CAMK2G: variants seen among roughly 807,000 people sequenced by gnomAD.
CAMK2G encodes the protein calcium/calmodulin dependent protein kinase II gamma.
In CAMK2G, 23 loss-of-function variants were observed where a neutral mutation model predicts 88.7. The observed-to-expected ratio is 0.26, with a 90% CI of 0.19 to 0.37. The LOEUF (loss-of-function observed/expected upper bound fraction) is 0.37. Among genes scored for constraint, CAMK2G ranks in the 10% least tolerant of loss-of-function variants. The pLI, the probability that CAMK2G is intolerant of heterozygous loss-of-function variation, is 1.00. For synonymous variants in CAMK2G, 263 were observed against 294.8 expected, an observed-to-expected ratio of 0.89 and a Z score of 1.11; for missense variants, 476 against 780.8, an observed-to-expected ratio of 0.61 and a Z score of 4.65.
At chr10:73,868,825 CA>C (rs1224879647) in intron 2 of CAMK2G, among the ~76,000 whole-genome samples, 1 of 152,174 alleles carries the variant, frequency 6.6e-6, no homozygotes, top group African/African-American at 2.4e-5. Context: ...TGGCACCATC[CA>C]GGGGATCCCA....
At chr10:73,853,398 C>A in intron 3 of CAMK2G, 152 bp from the exon 4 acceptor site, 1 of 676,834 alleles carries the variant, frequency 1.5e-6, no homozygotes, top group South Asian at 1.8e-5. Flanking sequence ...TGCCCAGTGC[C>A]CCCCAGTGCA....
At position 73,846,828 on chromosome 10, in the gene CAMK2G, T is replaced by C. The variant is rs2094283046; in HGVS notation, c.819+397A>G. ...TTTAATGACTCAGAAACCCCTTCTG[T>C]TGATTTGTTGGATCTTGGTCACCAC... On this transcript the variant is annotated intron_variant, in intron 10 of 22. Coordinates refer to ENST00000423381, the MANE Select transcript of CAMK2G (RefSeq NM_001367534.1). The C allele has an allele frequency of 2.2e-5, 4 of 179,268 alleles. No individual in the cohort carries two copies. The Admixed American group carries it at 2.4e-4, about 11-fold the overall frequency. 11.1% of individuals were successfully genotyped at this position (179,268 alleles called of 1,614,324 possible).
At chr10:73,832,875 C>A (rs2092665068) in intron 14 of CAMK2G, among the ~76,000 whole-genome samples, 1 of 152,054 alleles carries the variant, frequency 6.6e-6, no homozygotes, top group African/African-American at 2.4e-5. Context: ...CTGCGACAGC[C>A]TCCTGAGTAG....
intron 21 of CAMK2G, chr10:73,816,052 G>C: frequency 1.0e-6 from 1 of 985,416 alleles, no homozygotes; most frequent in Non-Finnish European, 1.2e-6. Flanking sequence ...GGGAGCCAGC[G>C]GAGAAGTTAG....
At position 73,842,486 on chromosome 10, in the gene CAMK2G, C is replaced by T. The variant is rs397514627; in HGVS notation, c.875G>A (p.Arg292His). The T allele has an allele frequency of 6.2e-7, 1 of 1,613,714 alleles. No individual in the cohort carries two copies. Among genetic ancestry groups the T allele is most frequent in the Non-Finnish European group, 8.5e-7 (1 of 1,179,628 alleles). Residue 292 changes from arginine to histidine, a missense_variant, in exon 11 of 23, where the codon CGC becomes CAC. By Grantham distance (29) the Arg-to-His change is conservative. Transcript: ENST00000423381. The surrounding 1 kb of genome is among the most constrained non-coding windows in gnomAD (Gnocchi z 4.6). ...MHRQETVECLRKFNARRKLKG... is the reference protein window; with the variant it reads ...MHRQETVECLHKFNARRKLKG... ...CAGTTTTCTCCGGGCATTGAACTTGCGCAAACACTCCACAGTCTCCTGACG... is the reference window on the plus strand; with the variant it reads ...CAGTTTTCTCCGGGCATTGAACTTGTGCAAACACTCCACAGTCTCCTGACG...
At chr10:73,822,624 AACCTCATC>A (rs1156281207) in intron 17 of CAMK2G, among the ~76,000 whole-genome samples, 1 of 151,956 alleles carries the variant, frequency 6.6e-6, no homozygotes, top group Non-Finnish European at 1.5e-5. Context: ...CTGCTTCTCC[AACCTCATC>A]ACTCTCCTAT....
intron 2 of CAMK2G, among the ~76,000 whole-genome samples, chr10:73,872,534 G>A (rs1047010670): frequency 4.6e-5 from 7 of 152,190 alleles, no homozygotes; most frequent in African/African-American, 9.7e-5. Flanking sequence ...CTGTTCTGCC[G>A]CCTGGTGGGC....
At chr10:73,847,665 T>G (rs1430566147) in intron 9 of CAMK2G, among the ~76,000 whole-genome samples, 1 of 152,222 alleles carries the variant, frequency 6.6e-6, no homozygotes, top group Non-Finnish European at 1.5e-5. Flanking sequence ...AAGGTGCCAC[T>G]GCAGTGGAGG....
intron 15 of CAMK2G, among the ~76,000 whole-genome samples, chr10:73,825,700 G>A (rs989208293): frequency 6.6e-6 from 1 of 152,220 alleles, no homozygotes; most frequent in African/African-American, 2.4e-5. Flanking sequence ...AAGGGGGGTA[G>A]TTTATAAGAA....
chr10:73,871,794 G>C (rs962601168), intron 2 of CAMK2G, among the ~76,000 whole-genome samples: 4 of 152,180 alleles, frequency 2.6e-5, no homozygotes, highest in Non-Finnish European at 5.9e-5. Context: ...CCCTACTAGA[G>C]GGATGGAGAG....
chr10:73,862,191 C>G (rs757488963), intron 2 of CAMK2G, among the ~76,000 whole-genome samples: 1 of 151,802 alleles, frequency 6.6e-6, no homozygotes, highest in Non-Finnish European at 1.5e-5. Context: ...AGCCCTCCCC[C>G]ACTGTCCTTC....
intron 2 of CAMK2G, among the ~76,000 whole-genome samples, chr10:73,869,621 C>T (rs2095737337): frequency 6.6e-6 from 1 of 152,230 alleles, no homozygotes. Flanking sequence ...ATGTGGCTGG[C>T]ATACGTCAGG....
At chr10:73,821,603 G>C (rs1430495528) in intron 18 of CAMK2G, 79 bp downstream of exon 18, 11 of 1,080,864 alleles carry the variant, frequency 1.0e-5, no homozygotes, top group Admixed American at 1.9e-5. Context: ...TCTGGGGACA[G>C]AAAAGGCAGG....
intron 19 of CAMK2G, chr10:73,818,915 C>T (rs752805394): frequency 1.3e-4 from 56 of 437,862 alleles, no homozygotes; most frequent in South Asian, 8.6e-4. Flanking sequence ...TGAGGATGAG[C>T]TACTGATAAC....
At position 73,839,448 on chromosome 10, in the gene CAMK2G, C is replaced by T. The variant is rs956253034; in HGVS notation, c.1009+91G>A. ...TCTCAGCCCGCAAGCATGGGACTCG[C>T]CTCCCTGGTGAGTGGGCCCGGCATG... On this transcript the variant is annotated intron_variant, in intron 13 of 22. Coordinates refer to ENST00000423381, the MANE Select transcript of CAMK2G (RefSeq NM_001367534.1). This position sits in a 1 kb window ranked among gnomAD's most constrained non-coding sequence, Gnocchi z 4.2. The T allele has an allele frequency of 1.8e-5, 12 of 678,082 alleles. No individual in the cohort carries two copies. The highest frequency in any genetic ancestry group is 2.1e-5 in the Non-Finnish European group (10 of 482,054). 42.0% of individuals were successfully genotyped at this position (678,082 alleles called of 1,614,324 possible).
intron 10 of CAMK2G, among the ~76,000 whole-genome samples, chr10:73,845,918 T>C (rs908985486): frequency 6.6e-6 from 1 of 151,320 alleles, no homozygotes; most frequent in Admixed American, 6.6e-5. Context: ...TTTTTTTTTT[T>C]TTTTTAAAGA....
Position 73,839,504 on chromosome 10 carries a change from G to A in CAMK2G, c.1009+35C>T, listed in dbSNP as rs772165449. 12 of 1,209,014 alleles carry A rather than the reference G, an allele frequency of 9.9e-6. No homozygotes were observed. Among genetic ancestry groups the A allele is most frequent in the Admixed American group, 8.5e-5 (2 of 23,660 alleles). The allele number at this position is 1,209,014 out of a possible 1,614,324, so 74.9% of individuals were successfully genotyped here. The stretch of plus-strand genomic sequence containing the variant: ...CCTCCTGGTGGGGTGGCAGGGGGCC[G>A]AGGCAGGCGGTCGGGGAGGACTCAT... On this transcript the variant is annotated intron_variant, in intron 13 of 22. Coordinates refer to ENST00000423381, the MANE Select transcript of CAMK2G (RefSeq NM_001367534.1). The surrounding 1 kb of genome is among the most constrained non-coding windows in gnomAD (Gnocchi z 4.2).
chr10:73,830,922 AG>A, intron 14 of CAMK2G, among the ~76,000 whole-genome samples: 1 of 152,230 alleles, frequency 6.6e-6, no homozygotes. Context: ...GAATTGAGGA[AG>A]GGGGAGTTGG....
chr10:73,870,809 G>A (rs2095801201), intron 2 of CAMK2G, among the ~76,000 whole-genome samples: 1 of 152,162 alleles, frequency 6.6e-6, no homozygotes, highest in South Asian at 2.1e-4. Flanking sequence ...AGAGTCTGCA[G>A]GGAAGCCATG....
Sources: gnomAD v4.1 joint callset for allele counts (sites outside exome capture counted in the v4.1 genomes callset) on GRCh38, gnomAD v4.1.1 for gene constraint, Gnocchi (gnomAD v3.1) non-coding constraint, MANE v1.5 for transcripts, NCBI Gene and HGNC (gene_info 2026-07-23, HGNC 2026-07-21) for gene names.